Variants in KRT38 observed in about 807,000 individuals in gnomAD.
KRT38 encodes keratin 38, also known as keratin, type I cuticular Ha8.
A neutral mutation model predicts 43.1 loss-of-function variants in KRT38; 45 were observed. The ratio of observed to expected loss-of-function variants is 1.04; its 90% CI spans 0.82 to 1.34. The LOEUF is 1.34. Among genes scored for constraint, KRT38 ranks in the 40% most tolerant of loss-of-function variants. The pLI is 0.00. For missense variants in KRT38, 627 were observed against 586.2 expected (o/e 1.07, Z -0.72); for synonymous variants, 258 against 244.0 (o/e 1.06, Z -0.53).
At position 41,438,201 on chromosome 17, in the gene KRT38, G is replaced by T. The variant is rs750162789; in HGVS notation, c.1133C>A (p.Ala378Asp). The change falls in exon 6 of 7, where the codon GCC becomes GAC. Residue 378 changes from alanine (A) to aspartate (D), a missense_variant. Ala to Asp is a moderately radical substitution (Grantham distance 126, BLOSUM62 -2). Coordinates refer to ENST00000246646, the MANE Select transcript of KRT38 (RefSeq NM_006771.4). ...CTCCTGGTTTTGCCGCTCCAGGTCG[G>T]CCCGGATCTCAGACAGCTGCTCCTC... ...NVEEQLSEIR[A>D]DLERQNQEYQ... is the part of the protein sequence containing the mutation. 1.9e-6 allele frequency: 3 copies of T among 1,614,138 alleles called. No homozygotes were observed. The highest frequency in any genetic ancestry group is 2.5e-6 in the Non-Finnish European group (3 of 1,180,030).
chr17:41,440,091 C>T (rs1871741032), intron 2 of KRT38, 70 bp downstream of exon 2: 2 of 1,237,070 alleles, frequency 1.6e-6, no homozygotes, highest in Admixed American at 3.8e-5. Context: ...TTCCCTCACT[C>T]AACAAGTATT....
In KRT38 at chr17:41,438,682, A is replaced by ACC. The variant is rs71155140; in HGVS notation, c.894+13_894+14dup. On this transcript the variant is annotated intron_variant, in intron 4 of 6. Transcript: ENST00000246646. ...GAGGCCAGGTACCCCCTGGTTCTATACCCCCCCCACTCACCTGGGCTTGGA... is the reference window on the plus strand; with the variant it reads ...GAGGCCAGGTACCCCCTGGTTCTATACCCCCCCCCCACTCACCTGGGCTTGGA... 448 of 1,608,062 alleles carry ACC rather than the reference A, an allele frequency of 2.8e-4. 1 individual carries two copies. In the Middle Eastern group the frequency reaches 6.5e-3, roughly 23 times the overall value.
chr17:41,440,400 C>G, intron 1 of KRT38, 30 bp downstream of exon 1: 1 of 1,606,500 alleles, frequency 6.2e-7, no homozygotes, highest in Non-Finnish European at 8.5e-7. Context: ...CATCTCAGAC[C>G]CAGCACACCC....
At position 41,440,506 on chromosome 17, in the gene KRT38, C is replaced by T; in HGVS notation, c.416G>A (p.Arg139Lys). 1.9e-6 allele frequency: 3 copies of T among 1,614,242 alleles called. No individual in the cohort carries two copies. The highest frequency in any genetic ancestry group is 2.7e-5 in the African/African-American group (2 of 75,056). Residue 139 changes from arginine to lysine, a missense_variant, in exon 1 of 7, where the codon AGG (arginine) becomes AAG (lysine). Coordinates refer to ENST00000246646, the MANE Select transcript of KRT38 (RefSeq NM_006771.4). The stretch of plus-strand genomic sequence containing the variant: ...CACGGTGGACTCGTGGCACTTGCTC[C>T]TCTCGAGGAGTGTGGCCTCCAGCTC... ...NAELEATLLERSKCHESTVCP... is the reference protein window; with the variant it reads ...NAELEATLLEKSKCHESTVCP...
rs1158564576 is a variant in KRT38, at chr17:41,438,765, T to C, written c.826A>G (p.Met276Val). ...TIDLNRVLGE[M>V]RAQYEAMLET... is the part of the protein sequence containing the mutation. Reference sequence around the variant, plus strand: ...AACATGGCCTCATACTGAGCCCGCATCTCCCCCAGCACCCTGTTCAGGTCA... The same window carrying C: ...AACATGGCCTCATACTGAGCCCGCACCTCCCCCAGCACCCTGTTCAGGTCA... Residue 276 changes from methionine (M) to valine (V), a missense_variant, in exon 4 of 7, where the codon ATG becomes GTG. Coordinates refer to ENST00000246646, the MANE Select transcript of KRT38 (RefSeq NM_006771.4). 6.2e-7 allele frequency: 1 copy of C among 1,613,974 alleles called. No individual in the cohort carries two copies. The highest frequency in any genetic ancestry group is 8.5e-7 in the Non-Finnish European group (1 of 1,180,002).
At chr17:41,440,357 G>GC in intron 1 of KRT38, 73 bp downstream of exon 1, 1 of 1,598,386 alleles carries the variant, frequency 6.3e-7, no homozygotes, top group Non-Finnish European at 8.5e-7. Context: ...AGTTCTCTGA[G>GC]CTTTACATGG....
At chr17:41,438,918 A>G (rs2018764132) in intron 3 of KRT38, 60 bp from the exon 4 acceptor site, 5 of 1,583,128 alleles carry the variant, frequency 3.2e-6, no homozygotes, top group Admixed American at 1.7e-5. Flanking sequence ...GATGGAGCAG[A>G]CAGCACCAGG....
At position 41,438,775 on chromosome 17, in the gene KRT38, C is replaced by A. The variant is rs752746725; in HGVS notation, c.816G>T (p.Val272=). 4.9e-5 allele frequency: 79 copies of A among 1,614,062 alleles called. No individual in the cohort carries two copies. Among genetic ancestry groups the A allele is most frequent in the Admixed American group, 1.3e-4 (8 of 60,006 alleles). ...CATACTGAGCCCGCATCTCCCCCAG[C>A]ACCCTGTTCAGGTCAATGGTGGGCT... ...DIEPTIDLNR[V]LGEMRAQYEA... The change falls in exon 4 of 7, where the codon GTG becomes GTT. Residue 272 remains valine, a synonymous_variant. Transcript: ENST00000246646.
rs768962058 is a variant in KRT38 at position 41,438,799 on chromosome 17, C to T, written c.792G>A (p.Glu264=). 10 of 1,614,160 alleles carry T rather than the reference C, an allele frequency of 6.2e-6. No individual in the cohort carries two copies. In the South Asian group the frequency reaches 8.8e-5, roughly 14 times the overall value. ...GEKLRIELDI[E]PTIDLNRVLG... ...GCACCCTGTTCAGGTCAATGGTGGG[C>T]TCAATGTCCAGCTCAATCCGGAGCT... The change falls in exon 4 of 7, where the codon GAG becomes GAA. Residue 264 remains glutamate, a synonymous_variant. Transcript: ENST00000246646.
rs2018761576 is a variant in KRT38, at chr17:41,438,769, C to G, written c.822G>C (p.Gly274=). The change falls in exon 4 of 7, where the codon GGG becomes GGC. Residue 274 remains glycine (G), a synonymous_variant. Coordinates refer to ENST00000246646, the MANE Select transcript of KRT38 (RefSeq NM_006771.4). The part of the protein sequence containing the change: ...EPTIDLNRVL[G]EMRAQYEAML... ...TGGCCTCATACTGAGCCCGCATCTCCCCCAGCACCCTGTTCAGGTCAATGG... is the reference window on the plus strand; with the variant it reads ...TGGCCTCATACTGAGCCCGCATCTCGCCCAGCACCCTGTTCAGGTCAATGG... The G allele has an allele frequency of 3.1e-6, 5 of 1,614,150 alleles. No homozygotes were observed. The highest frequency in any genetic ancestry group is 4.2e-6 in the Non-Finnish European group (5 of 1,180,024).
At chr17:41,438,057 A>G in intron 6 of KRT38, 36 bp downstream of exon 6, 1 of 1,604,928 alleles carries the variant, frequency 6.2e-7, no homozygotes, top group Non-Finnish European at 8.5e-7. Flanking sequence ...GAATTGAGTA[A>G]ATAATTTGGC....
Position 41,440,568 on chromosome 17 carries a change from G to A in KRT38, c.354C>T (p.Tyr118=). ...MQFLNDRLAN[Y]LEKVRQLEQE... is the part of the protein sequence containing the mutation. ...GCTCCAGCTGGCGCACCTTCTCCAG[G>A]TAGTTGGCCAGGCGGTCATTCAGGA... is the stretch of plus-strand genomic sequence containing the variant. Residue 118 remains tyrosine (Y), a synonymous_variant, in exon 1 of 7, where the codon TAC becomes TAT. Coordinates refer to ENST00000246646, the MANE Select transcript of KRT38 (RefSeq NM_006771.4). The A allele has an allele frequency of 1.2e-6, 2 of 1,614,262 alleles. No individual in the cohort carries two copies. The highest frequency in any genetic ancestry group is 1.1e-5 in the South Asian group (1 of 91,084).
chr17:41,438,068 C>T (rs755021748), intron 6 of KRT38, 25 bp downstream of exon 6: 2 of 1,609,842 alleles, frequency 1.2e-6, no homozygotes, highest in Admixed American at 3.3e-5. Flanking sequence ...ATAATTTGGC[C>T]AGGAATTGCC....
Position 41,438,807 on chromosome 17 carries a change from C to G in KRT38, c.784G>C (p.Asp262His). Residue 262 changes from aspartate to histidine, a missense_variant, in exon 4 of 7, where the codon GAC becomes CAC. Asp to His is a moderately conservative substitution (Grantham distance 81). Transcript: ENST00000246646. ...QLGEKLRIEL[D>H]IEPTIDLNRV... ...TTCAGGTCAATGGTGGGCTCAATGT[C>G]CAGCTCAATCCGGAGCTTCTCCCCC... The G allele has an allele frequency of 6.2e-7, 1 of 1,614,152 alleles. No individual in the cohort carries two copies.
At position 41,439,381 on chromosome 17, in the gene KRT38, G is replaced by A. The variant is rs374150519; in HGVS notation, c.576-22C>T. 30 of 1,609,642 alleles carry A rather than the reference G, an allele frequency of 1.9e-5. No homozygotes were observed. In the African/African-American group the frequency reaches 3.1e-4, roughly 16 times the overall value. ...CAGCCTTTCATCACAGGAGGTACAGGGTCAAAAAGAATGCCCCCAAGAGCC... is the reference window on the plus strand; with the variant it reads ...CAGCCTTTCATCACAGGAGGTACAGAGTCAAAAAGAATGCCCCCAAGAGCC... On this transcript the variant is annotated intron_variant, in intron 2 of 6. Transcript: ENST00000246646.
In KRT38 at chr17:41,440,778, G is replaced by A. The variant is rs369697357; in HGVS notation, c.144C>T (p.Asn48=). ...CACGGACTCGGTTGGCATGTGCCAC[G>A]TTGGCCAAAAGGCACATGGGGGCAA... ...ANIAPMCLLA[N]VAHANRVRVG... is the part of the protein sequence containing the mutation. Residue 48 remains asparagine (N), a synonymous_variant, in exon 1 of 7, where the codon AAC becomes AAT. Transcript: ENST00000246646. 3.4e-4 allele frequency: 554 copies of A among 1,613,356 alleles called. No individual in the cohort carries two copies. The highest frequency in any genetic ancestry group is 4.5e-4 in the Non-Finnish European group (527 of 1,179,518).
chr17:41,440,549 G>T lies in KRT38; in HGVS notation c.373C>A (p.Leu125Met), dbSNP rs2018784741. 1 of 1,614,128 alleles carries T rather than the reference G, an allele frequency of 6.2e-7. No individual in the cohort carries two copies. The highest frequency in any genetic ancestry group is 1.3e-5 in the African/African-American group (1 of 74,942). ...TCCAGCTCCGCATTCTCCTGCTCCA[G>T]CTGGCGCACCTTCTCCAGGTAGTTG... ...LANYLEKVRQ[L>M]EQENAELEAT... Residue 125 changes from leucine (L) to methionine (M), a missense_variant, in exon 1 of 7, where the codon CTG becomes ATG. Leu to Met is a conservative substitution (Grantham distance 15). Coordinates refer to ENST00000246646, the MANE Select transcript of KRT38 (RefSeq NM_006771.4).
chr17:41,440,921 T>TG lies in KRT38; in HGVS notation c.-1dup, dbSNP rs2018794912. 1 of 1,532,860 alleles carries TG rather than the reference T, an allele frequency of 6.5e-7. No homozygotes were observed. Among genetic ancestry groups the TG allele is most frequent in the African/African-American group, 1.4e-5 (1 of 72,328 alleles). 95.0% of individuals were successfully genotyped at this position (1,532,860 alleles called of 1,614,324 possible). A position where few individuals can be genotyped will look rare whatever the true frequency, so the allele number is the denominator to read the frequency against. On this transcript the variant is annotated 5_prime_UTR_variant, in exon 1 of 7. Transcript: ENST00000246646. The stretch of plus-strand genomic sequence containing the variant: ...GAGGAGCTGCTGTAGGAAGAGGTCA[T>TG]GGTGTTGGGCTGAGGCTGCACAGGA...
rs773096510 is a variant in KRT38 at position 41,440,803 on chromosome 17, A to G, written c.119T>C (p.Ile40Thr). 6.2e-7 allele frequency: 1 copy of G among 1,612,206 alleles called. No individual in the cohort carries two copies. Among genetic ancestry groups the G allele is most frequent in the East Asian group, 2.2e-5 (1 of 44,878 alleles). Residue 40 changes from isoleucine (I) to threonine (T), a missense_variant, in exon 1 of 7, where the codon ATT becomes ACT. Ile to Thr is a moderately conservative substitution (Grantham distance 89, BLOSUM62 -1). Transcript: ENST00000246646. Reference protein sequence around the residue: ...IGCQPGAEANIAPMCLLANVA... With the variant: ...IGCQPGAEANTAPMCLLANVA... ...GTTGGCCAAAAGGCACATGGGGGCAATGTTGGCCTCTGCCCCAGGCTGGCA... is the reference window on the plus strand; with the variant it reads ...GTTGGCCAAAAGGCACATGGGGGCAGTGTTGGCCTCTGCCCCAGGCTGGCA...
Sources: gnomAD v4.1 joint callset for allele counts on GRCh38, gnomAD v4.1.1 for gene constraint, MANE v1.5 for transcripts, NCBI Gene and HGNC (gene_info 2026-07-23, HGNC 2026-07-21) for gene names.